Variants in MBTD1 observed in about 807,000 individuals in gnomAD.
MBTD1 encodes the protein MBT domain-containing protein 1.
Under a neutral mutation model 87.8 loss-of-function variants are expected in MBTD1, and 24 were observed. That is an observed-to-expected ratio of 0.27 (90% CI 0.20 to 0.38). MBTD1 has a LOEUF of 0.38. Ranked by LOEUF, MBTD1 falls within the 10% of genes least tolerant of loss-of-function variation. The pLI, the probability that MBTD1 is intolerant of heterozygous loss-of-function variation, is 1.00. For synonymous variants in MBTD1, 237 were observed against 248.6 expected, an observed-to-expected ratio of 0.95 and a Z score of 0.44; for missense variants, 436 against 760.2, an observed-to-expected ratio of 0.57 and a Z score of 5.02.
At chr17:51,246,405 T>G (rs543521874) in intron 2 of MBTD1, among the ~76,000 whole-genome samples, 1 of 152,326 alleles carries the variant, frequency 6.6e-6, no homozygotes, top group South Asian at 2.1e-4. Context: ...ATTTTGGACT[T>G]CAGGTTTTTG....
intron 2 of MBTD1, among the ~76,000 whole-genome samples, chr17:51,252,024 CAA>C (rs2054816482): frequency 1.3e-5 from 2 of 152,214 alleles, no homozygotes; most frequent in South Asian, 4.1e-4. Flanking sequence ...TTCGGCCTCC[CAA>C]AGTGTTGGGA....
chr17:51,202,432 T>A (rs888013913), intron 10 of MBTD1, among the ~76,000 whole-genome samples: 7 of 152,350 alleles, frequency 4.6e-5, no homozygotes, highest in African/African-American at 1.7e-4. Context: ...TATCTTTAGA[T>A]CTTTCAAATG....
chr17:51,253,175 T>C (rs1657503891), intron 2 of MBTD1, among the ~76,000 whole-genome samples: 1 of 152,200 alleles, frequency 6.6e-6, no homozygotes, highest in Non-Finnish European at 1.5e-5. Context: ...CTGGTATCAG[T>C]AAATACATGT....
chr17:51,247,441 CTTTTTTTTTT>C (rs58720477), intron 2 of MBTD1, among the ~76,000 whole-genome samples: 6 of 132,036 alleles, frequency 4.5e-5, no homozygotes, highest in South Asian at 2.3e-4. Context: ...ATCAGTATTA[CTTTTTTTTTT>C]TTTTTTTTTT....
intron 2 of MBTD1, among the ~76,000 whole-genome samples, chr17:51,248,764 A>C (rs2054601113): frequency 1.3e-5 from 2 of 152,178 alleles, no homozygotes; most frequent in Non-Finnish European, 1.5e-5. Flanking sequence ...TCCAGATTTT[A>C]CTATGAATAA....
intron 2 of MBTD1, among the ~76,000 whole-genome samples, chr17:51,230,162 C>T (rs1372919585): frequency 6.6e-6 from 1 of 152,092 alleles, no homozygotes; most frequent in African/African-American, 2.4e-5. Context: ...AGATTTGCTA[C>T]AATCAGAAGA....
At chr17:51,190,963 G>A (rs1389682213) in intron 16 of MBTD1, among the ~76,000 whole-genome samples, 1 of 151,262 alleles carries the variant, frequency 6.6e-6, no homozygotes, top group Non-Finnish European at 1.5e-5. Flanking sequence ...ACATGCCTGT[G>A]GTCCAAGCTA....
chr17:51,260,742 G>C, upstream of MBTD1: 1 of 1,584,732 alleles, frequency 6.3e-7, no homozygotes, highest in Non-Finnish European at 8.6e-7. Context: ...CCGCCGGCCC[G>C]GCCGAGCGCG....
At chr17:51,203,729 T>C (rs2051631995) in intron 8 of MBTD1, 62 bp downstream of exon 8, 1 of 1,515,602 alleles carries the variant, frequency 6.6e-7, no homozygotes, top group Non-Finnish European at 9.0e-7. Flanking sequence ...CATTACTATG[T>C]GTAAAATAGC....
chr17:51,201,687 C>T lies in MBTD1; in HGVS notation c.1129G>A (p.Val377Ile). Residue 377 changes from valine to isoleucine, a missense_variant, in exon 12 of 17, where the codon GTA becomes ATA. Val to Ile is a conservative substitution (Grantham distance 29). Coordinates refer to ENST00000586178, the MANE Select transcript of MBTD1 (RefSeq NM_017643.3). ...PPHLFAKVKE[V>I]DQSGEWFKEG... ...TTGAACCATTCCCCACTCTGGTCTA[C>T]TTCTTTTACCTAAAGAATTATATGA... 5 of 1,585,292 alleles carry T rather than the reference C, an allele frequency of 3.2e-6. No individual in the cohort carries two copies. Among genetic ancestry groups the T allele is most frequent in the Non-Finnish European group, 4.3e-6 (5 of 1,155,534 alleles).
At chr17:51,244,414 CTT>C (rs1405788297) in intron 2 of MBTD1, among the ~76,000 whole-genome samples, 1 of 152,070 alleles carries the variant, frequency 6.6e-6, no homozygotes, top group African/African-American at 2.4e-5. Context: ...TGAACTGGTT[CTT>C]GTGTCCTCTT....
At chr17:51,260,667 A>G (rs1249114481), upstream of MBTD1, 13 of 1,611,940 alleles carry the variant, frequency 8.1e-6, no homozygotes, top group Non-Finnish European at 1.1e-5. Context: ...ATGAGGCCGG[A>G]CTGGAAAGCC....
chr17:51,222,536 C>T (rs2143657840), intron 3 of MBTD1, among the ~76,000 whole-genome samples: 1 of 152,154 alleles, frequency 6.6e-6, no homozygotes, highest in African/African-American at 2.4e-5. Context: ...TCCTGAGTAG[C>T]TGGGACTACA....
At chr17:51,194,566 CA>C (rs71355733) in intron 13 of MBTD1, among the ~76,000 whole-genome samples, 208 of 19,702 alleles carry the variant, frequency 0.011, no homozygotes, top group African/African-American at 0.039. Flanking sequence ...GAGACTGTCT[CA>C]AAAAAAAAAA....
At chr17:51,203,376 G>C in intron 8 of MBTD1, 148 bp from the exon 9 acceptor site, 1 of 536,080 alleles carries the variant, frequency 1.9e-6, no homozygotes, top group Non-Finnish European at 3.2e-6. Context: ...TATATGCCTT[G>C]CCAGCAAAAA....
chr17:51,224,442 A>G (rs1034579130), intron 3 of MBTD1, among the ~76,000 whole-genome samples: 1 of 152,250 alleles, frequency 6.6e-6, no homozygotes, highest in Non-Finnish European at 1.5e-5. Flanking sequence ...AAAGTTAAAA[A>G]GGCAAAACTA....
At chr17:51,190,117 A>G (rs111272039) in intron 16 of MBTD1, among the ~76,000 whole-genome samples, 2,756 of 152,302 alleles carry the variant, frequency 0.018, 86 homozygotes, top group African/African-American at 0.064. Flanking sequence ...CAAACATCAG[A>G]AAGGTTAGAA....
intron 2 of MBTD1, among the ~76,000 whole-genome samples, chr17:51,236,452 C>T (rs2053842963): frequency 6.6e-6 from 1 of 152,150 alleles, no homozygotes; most frequent in African/African-American, 2.4e-5. Context: ...ACCATGTTGG[C>T]CAGGCTGGTC....
At chr17:51,209,488 G>A (rs2052043733) in intron 6 of MBTD1, 1 of 470,902 alleles carries the variant, frequency 2.1e-6, no homozygotes, top group Non-Finnish European at 4.4e-6. Flanking sequence ...AATGCTGAGG[G>A]GTCCCCAACA....
Sources: gnomAD v4.1 joint callset for allele counts (sites outside exome capture counted in the v4.1 genomes callset) on GRCh38, gnomAD v4.1.1 for gene constraint, MANE v1.5 for transcripts, NCBI Gene and HGNC (gene_info 2026-07-23, HGNC 2026-07-21) for gene names.